Variants in RAPGEF2 observed in about 807,000 individuals in gnomAD.
RAPGEF2 encodes PDZ domain containing guanine nucleotide exchange factor (GEF) 1.
RAPGEF2 carries 54 observed loss-of-function variants against 186.7 expected under a neutral mutation model. The observed-to-expected ratio is 0.29, with a 90% confidence interval of 0.23 to 0.36. RAPGEF2 has a LOEUF of 0.36. Ranked by LOEUF, RAPGEF2 falls within the 10% of genes least tolerant of loss-of-function variation. The pLI is 1.00. For missense variants in RAPGEF2, 1,532 were observed against 2,045.0 expected, an observed-to-expected ratio of 0.75 and a Z score of 4.84; for synonymous variants, 712 against 705.9, an observed-to-expected ratio of 1.01 and a Z score of -0.14.
chr4:159,206,055 G>T (rs1000748630), intron 3 of RAPGEF2, among the ~76,000 whole-genome samples: 9 of 151,808 alleles, frequency 5.9e-5, no homozygotes, highest in African/African-American at 2.2e-4. Context: ...TCAGCCTCCC[G>T]AGTAGCTGGG....
At position 159,263,090 on chromosome 4, in the gene RAPGEF2, A is replaced by C. The variant is rs569031267; in HGVS notation, c.543+19299A>C. Among the ~76,000 whole-genome samples the C allele has an allele frequency of 1.5e-4, 23 of 152,326 alleles. No homozygotes were observed. The South Asian group carries it at 3.1e-3, about 21-fold the overall frequency. The stretch of plus-strand genomic sequence containing the variant: ...TGCCATTTCACTTTATGAAAGTAGA[A>C]AAATGAAATTTTAGCCCAGATTTCC... On this transcript the variant is annotated intron_variant, in intron 7 of 29. Transcript: ENST00000691494.
At chr4:159,107,394 A>G (rs868659826) in intron 1 of RAPGEF2, among the ~76,000 whole-genome samples, 21 of 152,290 alleles carry the variant, frequency 1.4e-4, no homozygotes, top group African/African-American at 4.8e-4. Context: ...TTTCTAAACC[A>G]TTTTGTTAAC....
chr4:159,263,127 T>C (rs1237600134), intron 7 of RAPGEF2, among the ~76,000 whole-genome samples: 2 of 152,156 alleles, frequency 1.3e-5, no homozygotes, highest in Non-Finnish European at 2.9e-5. Context: ...CTGTGACTGC[T>C]TTGGGTGGGG....
intron 1 of RAPGEF2, among the ~76,000 whole-genome samples, chr4:159,181,183 T>C (rs1289373650): frequency 6.6e-6 from 1 of 152,202 alleles, no homozygotes. Context: ...TCTTTGATTT[T>C]TCTTGGGTTA....
intron 2 of RAPGEF2, among the ~76,000 whole-genome samples, chr4:159,187,555 A>G (rs572814423): frequency 6.6e-6 from 1 of 152,320 alleles, no homozygotes; most frequent in African/African-American, 2.4e-5. Context: ...ATTTTATTGC[A>G]TTAAGTAGAC....
intron 9 of RAPGEF2, among the ~76,000 whole-genome samples, chr4:159,318,679 A>T (rs1246028973): frequency 6.6e-6 from 1 of 152,092 alleles, no homozygotes; most frequent in African/African-American, 2.4e-5. Context: ...AGTTTTAAAA[A>T]ATTTTTTTTG....
chr4:159,268,326 A>G, intron 7 of RAPGEF2: 3 of 881,604 alleles, frequency 3.4e-6, no homozygotes, highest in Non-Finnish European at 5.4e-6. Flanking sequence ...TAGAAGGTAT[A>G]GTAGTCTGCT....
In RAPGEF2 at chr4:159,350,244, C is replaced by T; in HGVS notation, c.3820C>T (p.Gln1274Ter). The change falls in exon 26 of 30, where the codon CAG (glutamine) becomes TAG (stop). Residue 1274 changes from glutamine (Q) to a stop codon, truncating the protein, a stop_gained. Coordinates refer to ENST00000691494, the MANE Select transcript of RAPGEF2 (RefSeq NM_001394067.2). LOFTEE classifies it high-confidence loss of function. ...AEDTISNASS[Q>*]LSSPPTSPQS... is the part of the protein sequence containing the mutation. ...AGATACAATATCAAATGCATCTTCG[C>T]AGCTTTCTTCTCCTCCTACTTCTCC... is the stretch of plus-strand genomic sequence containing the variant. The T allele has an allele frequency of 6.3e-7, 1 of 1,599,988 alleles. No homozygotes were observed. The highest frequency in any genetic ancestry group is 8.5e-7 in the Non-Finnish European group (1 of 1,173,532).
intron 1 of RAPGEF2, among the ~76,000 whole-genome samples, chr4:159,150,084 A>G (rs1279405214): frequency 2.0e-5 from 3 of 152,132 alleles, no homozygotes; most frequent in Non-Finnish European, 4.4e-5. Context: ...TATTGTTATT[A>G]GCAGTATCAA....
intron 6 of RAPGEF2, among the ~76,000 whole-genome samples, chr4:159,242,662 G>T (rs1754150524): frequency 6.6e-6 from 1 of 151,884 alleles, no homozygotes; most frequent in African/African-American, 2.4e-5. Flanking sequence ...ATCTTTGTCT[G>T]TTGGAGAGAC....
chr4:159,264,898 A>T (rs892765592), intron 7 of RAPGEF2, among the ~76,000 whole-genome samples: 12 of 152,056 alleles, frequency 7.9e-5, no homozygotes, highest in Non-Finnish European at 1.2e-4. Flanking sequence ...GATGTTTTCA[A>T]GTTTTATCCA....
chr4:159,202,044 T>C (rs1274168095), intron 3 of RAPGEF2, among the ~76,000 whole-genome samples: 1 of 152,214 alleles, frequency 6.6e-6, no homozygotes, highest in Non-Finnish European at 1.5e-5. Flanking sequence ...AAATTGGTAT[T>C]TGATGCTATA....
intron 7 of RAPGEF2, among the ~76,000 whole-genome samples, chr4:159,258,721 C>G (rs998588987): frequency 3.3e-5 from 5 of 152,064 alleles, no homozygotes; most frequent in Non-Finnish European, 7.4e-5. Context: ...TGTGTATATC[C>G]TTTGCACAAC....
At chr4:159,112,133 C>G (rs1435639117) in intron 1 of RAPGEF2, among the ~76,000 whole-genome samples, 1 of 152,126 alleles carries the variant, frequency 6.6e-6, no homozygotes, top group Non-Finnish European at 1.5e-5. Context: ...AGGCTTATTA[C>G]CTTTTGGTTA....
chr4:159,176,571 C>T (rs1159186279), intron 1 of RAPGEF2, among the ~76,000 whole-genome samples: 1 of 151,844 alleles, frequency 6.6e-6, no homozygotes, highest in Non-Finnish European at 1.5e-5. Flanking sequence ...AGGTTTTTTT[C>T]AAATAATACT....
intron 1 of RAPGEF2, among the ~76,000 whole-genome samples, chr4:159,149,492 C>T (rs1187267794): frequency 1.3e-5 from 2 of 152,066 alleles, no homozygotes; most frequent in African/African-American, 2.4e-5. Context: ...CTCCTGACCT[C>T]GTGATCCACC....
chr4:159,323,504 T>G lies in RAPGEF2; in HGVS notation c.1036T>G (p.Tyr346Asp), dbSNP rs1435261736. The G allele has an allele frequency of 1.2e-6, 2 of 1,612,702 alleles. No homozygotes were observed. Among genetic ancestry groups the G allele is most frequent in the African/African-American group, 2.7e-5 (2 of 74,822 alleles). ...VILNGSVEVT[Y>D]PDGKAEILCM... ...TCTCAATGGATCTGTGGAAGTGACT[T>G]ATCCAGATGGAAAAGCAGAAATACT... is the stretch of plus-strand genomic sequence containing the variant. Residue 346 changes from tyrosine (Y) to aspartate (D), a missense_variant, in exon 11 of 30, where the codon TAT (tyrosine) becomes GAT (aspartate). This residue lies in a region of RAPGEF2 where 810 missense variants were observed against 1,210.5 expected (regional missense o/e 0.67). Coordinates refer to ENST00000691494, the MANE Select transcript of RAPGEF2 (RefSeq NM_001394067.2).
In RAPGEF2 at chr4:159,330,702, G is replaced by A. The variant is rs1766572624; in HGVS notation, c.1467+204G>A. 1.0e-5 allele frequency: 5 copies of A among 482,202 alleles called. No homozygotes were observed. The South Asian group carries it at 1.6e-4, about 15-fold the overall frequency. 29.9% of individuals were successfully genotyped at this position (482,202 alleles called of 1,614,324 possible). On this transcript the variant is annotated intron_variant, in intron 13 of 29. Transcript: ENST00000691494. ...CCTTAGAAATATGAACAAAATATTA[G>A]TTCAGCCTTCTTTAAACACAAAGGC...
intron 8 of RAPGEF2, 141 bp from the exon 9 acceptor site, chr4:159,314,450 A>C: frequency 1.4e-6 from 1 of 724,950 alleles, no homozygotes; most frequent in Non-Finnish European, 2.0e-6. Context: ...TGTTACATGT[A>C]GTTTCTGGTG....
Sources: gnomAD v4.1 joint callset for allele counts (sites outside exome capture counted in the v4.1 genomes callset) on GRCh38, gnomAD v4.1.1 for gene constraint, gnomAD v4.1.1 regional missense constraint, MANE v1.5 for transcripts, NCBI Gene and HGNC (gene_info 2026-07-23, HGNC 2026-07-21) for gene names.